TAFA2: variants seen among roughly 807,000 people sequenced by gnomAD.
The protein encoded by TAFA2 is chemokine-like protein TAFA-2.
In TAFA2, 7 loss-of-function variants were observed where a neutral mutation model predicts 18.8. That is an observed-to-expected ratio of 0.37 (90% CI 0.21 to 0.70). The LOEUF is 0.70. TAFA2 is among the 30% of genes least tolerant of loss of function. The probability of loss-of-function intolerance (pLI) is 0.53; values close to 1 mark genes in which losing one functional copy is unlikely to be tolerated. For synonymous variants in TAFA2, 60 were observed against 54.2 expected, an observed-to-expected ratio of 1.11 and a Z score of -0.47; for missense variants, 122 against 158.1, an observed-to-expected ratio of 0.77 and a Z score of 1.23.
intron 1 of TAFA2, among the ~76,000 whole-genome samples, chr12:62,232,776 T>C (rs190618574): frequency 6.6e-6 from 1 of 151,840 alleles, no homozygotes; most frequent in Non-Finnish European, 1.5e-5. Context: ...CCTCCCAAAG[T>C]GCTGAGATTA....
chr12:61,743,379 T>C (rs1174242203), intron 4 of TAFA2, among the ~76,000 whole-genome samples: 1 of 152,126 alleles, frequency 6.6e-6, no homozygotes, highest in Non-Finnish European at 1.5e-5. Context: ...GCCTTAGTTG[T>C]ATTCCTTGTA....
At chr12:62,256,879 T>C (rs892892885) in intron 1 of TAFA2, among the ~76,000 whole-genome samples, 1 of 152,164 alleles carries the variant, frequency 6.6e-6, no homozygotes, top group Non-Finnish European at 1.5e-5. Flanking sequence ...GCCTTTTAGC[T>C]GCTCTGAGAG....
At chr12:62,180,459 G>A (rs73131805) in intron 1 of TAFA2, among the ~76,000 whole-genome samples, 19,061 of 152,148 alleles carry the variant, frequency 0.13, 1,374 homozygotes, top group African/African-American at 0.19. Context: ...TTCTAAGTGT[G>A]TAGCAATGCT....
chr12:61,929,160 A>T (rs1254666717), intron 1 of TAFA2, among the ~76,000 whole-genome samples: 4 of 124,736 alleles, frequency 3.2e-5, no homozygotes, highest in Non-Finnish European at 3.2e-5. Flanking sequence ...AGTATAATTT[A>T]AAAAAAAAAA....
chr12:61,870,935 C>A (rs1430050875), intron 1 of TAFA2, among the ~76,000 whole-genome samples: 1 of 152,144 alleles, frequency 6.6e-6, no homozygotes, highest in African/African-American at 2.4e-5. Context: ...AGCAACTGTG[C>A]CCCATACATT....
chr12:61,763,668 T>C (rs771325904), intron 2 of TAFA2, among the ~76,000 whole-genome samples: 48 of 151,950 alleles, frequency 3.2e-4, no homozygotes, highest in Non-Finnish European at 5.2e-4. Context: ...AATTGACACA[T>C]GAGCCAAAAG....
intron 1 of TAFA2, among the ~76,000 whole-genome samples, chr12:62,128,008 G>A (rs542388024): frequency 3.8e-4 from 58 of 151,918 alleles, no homozygotes; most frequent in Non-Finnish European, 6.9e-4. Flanking sequence ...ATCCATGGGA[G>A]GCACAATCAA....
At chr12:61,758,593 T>C (rs1263655290) in intron 2 of TAFA2, among the ~76,000 whole-genome samples, 1 of 151,766 alleles carries the variant, frequency 6.6e-6, no homozygotes, top group Non-Finnish European at 1.5e-5. Flanking sequence ...TCCTAAGAAA[T>C]ATGGCAGCCC....
intron 4 of TAFA2, among the ~76,000 whole-genome samples, chr12:61,714,127 A>C (rs544096197): frequency 6.6e-6 from 1 of 152,290 alleles, no homozygotes; most frequent in South Asian, 2.1e-4. Context: ...CCATGAATGC[A>C]CACTATCTTC....
At chr12:61,951,038 T>C (rs1279920109) in intron 1 of TAFA2, among the ~76,000 whole-genome samples, 1 of 152,102 alleles carries the variant, frequency 6.6e-6, no homozygotes, top group Non-Finnish European at 1.5e-5. Context: ...TAGCCTTGAC[T>C]TTTGCCCTAA....
At chr12:61,921,417 A>G (rs1188562619) in intron 1 of TAFA2, among the ~76,000 whole-genome samples, 6 of 152,210 alleles carry the variant, frequency 3.9e-5, no homozygotes, top group Non-Finnish European at 8.8e-5. Flanking sequence ...TTTAAGAAAT[A>G]GAAGATTCAA....
intron 2 of TAFA2, among the ~76,000 whole-genome samples, chr12:61,769,141 C>T (rs2120834032): frequency 1.3e-5 from 2 of 152,092 alleles, no homozygotes; most frequent in East Asian, 3.9e-4. Context: ...AACATAACTC[C>T]ATCAGCCTGA....
At chr12:61,712,533 C>G (rs1318692179) in intron 4 of TAFA2, among the ~76,000 whole-genome samples, 4 of 151,850 alleles carry the variant, frequency 2.6e-5, no homozygotes, top group Admixed American at 6.6e-5. Flanking sequence ...AAGGATATAA[C>G]CCATATCCTC....
chr12:61,994,692 C>A (rs994130023), intron 1 of TAFA2, among the ~76,000 whole-genome samples: 1 of 152,116 alleles, frequency 6.6e-6, no homozygotes, highest in African/African-American at 2.4e-5. Context: ...CTCCCTTCCT[C>A]ATTTTTTTAT....
At chr12:62,227,609 TAGA>T (rs1356493839) in intron 1 of TAFA2, among the ~76,000 whole-genome samples, 1 of 152,204 alleles carries the variant, frequency 6.6e-6, no homozygotes, top group Non-Finnish European at 1.5e-5. Flanking sequence ...CTTTCCTGTG[TAGA>T]AGATTTTAGC....
At chr12:61,750,656 T>A (rs1868968489) in intron 4 of TAFA2, among the ~76,000 whole-genome samples, 1 of 152,172 alleles carries the variant, frequency 6.6e-6, no homozygotes, top group Non-Finnish European at 1.5e-5. Flanking sequence ...TCATCTCTGC[T>A]GAGGCCATGC....
chr12:62,104,790 G>C (rs758600202), intron 1 of TAFA2: 56 of 435,970 alleles, frequency 1.3e-4, no homozygotes, highest in Non-Finnish European at 3.2e-5. Flanking sequence ...GCTTTCTCTA[G>C]GGGAGAGCAA....
chr12:62,225,514 T>C (rs1056261031), intron 1 of TAFA2, among the ~76,000 whole-genome samples: 1 of 152,158 alleles, frequency 6.6e-6, no homozygotes, highest in African/African-American at 2.4e-5. Context: ...TTAATTTTAC[T>C]AGAAATTAAT....
chr12:62,220,312 AC>A (rs1215975753), intron 1 of TAFA2, among the ~76,000 whole-genome samples: 1 of 152,182 alleles, frequency 6.6e-6, no homozygotes, highest in Non-Finnish European at 1.5e-5. Flanking sequence ...AAAAAACAAG[AC>A]AAAAAATTTT....
Sources: allele counts gnomAD v4.1 joint callset (sites outside exome capture counted in the v4.1 genomes callset), GRCh38; gene constraint gnomAD v4.1.1; transcripts MANE v1.5; gene names NCBI Gene and HGNC (gene_info 2026-07-23, HGNC 2026-07-21).